Variants in AGBL4 observed in about 807,000 individuals in gnomAD.
AGBL4 encodes the protein AGBL carboxypeptidase 4.
A neutral mutation model predicts 66.4 loss-of-function variants in AGBL4; 58 were observed. The observed-to-expected ratio is 0.87, with a 90% confidence interval of 0.71 to 1.09. AGBL4 has a LOEUF of 1.09. Ranked by LOEUF, AGBL4 falls within the 50% of genes least tolerant of loss-of-function variation. AGBL4 has a pLI of 0.00. For missense variants in AGBL4, 579 were observed against 631.0 expected, an observed-to-expected ratio of 0.92 and a Z score of 0.88; for synonymous variants, 234 against 222.9, an observed-to-expected ratio of 1.05 and a Z score of -0.44.
chr1:50,014,924 A>G (rs932060879), intron 1 of AGBL4, among the ~76,000 whole-genome samples: 1 of 152,176 alleles, frequency 6.6e-6, no homozygotes, highest in Non-Finnish European at 1.5e-5. Flanking sequence ...GGAAGAATTC[A>G]TTGGTTTTTA....
chr1:49,749,950 A>G (rs1243819749), intron 2 of AGBL4, among the ~76,000 whole-genome samples: 1 of 152,190 alleles, frequency 6.6e-6, no homozygotes, highest in East Asian at 1.9e-4. Flanking sequence ...GTATTTCAAA[A>G]TGACAGACCT....
intron 2 of AGBL4, among the ~76,000 whole-genome samples, chr1:49,833,031 C>A (rs1202049940): frequency 6.6e-6 from 1 of 151,880 alleles, no homozygotes; most frequent in African/African-American, 2.4e-5. Flanking sequence ...GCTTTTGTTG[C>A]CATTGCTTTT....
intron 5 of AGBL4, among the ~76,000 whole-genome samples, chr1:48,909,900 T>C (rs373903563): frequency 2.0e-5 from 3 of 152,250 alleles, no homozygotes; most frequent in East Asian, 3.8e-4. Flanking sequence ...CTATAGTTAG[T>C]TCTCATTCCA....
intron 11 of AGBL4, among the ~76,000 whole-genome samples, chr1:48,568,472 A>T (rs1447682692): frequency 6.6e-6 from 1 of 152,092 alleles, no homozygotes; most frequent in Non-Finnish European, 1.5e-5. Context: ...CTCCCGTGAC[A>T]TGCTCTTCCC....
chr1:49,189,184 C>G (rs952075078), intron 4 of AGBL4, among the ~76,000 whole-genome samples: 49 of 152,166 alleles, frequency 3.2e-4, no homozygotes, highest in African/African-American at 9.9e-4. Flanking sequence ...GAGAGCAAAC[C>G]ATAGTCTGGC....
intron 5 of AGBL4, among the ~76,000 whole-genome samples, chr1:48,893,467 G>T (rs1651172408): frequency 6.6e-6 from 1 of 151,866 alleles, no homozygotes; most frequent in Non-Finnish European, 1.5e-5. Context: ...AGATCACGAG[G>T]TCAGGAGATT....
chr1:48,957,016 C>T (rs1010839920), intron 5 of AGBL4, among the ~76,000 whole-genome samples: 1 of 151,994 alleles, frequency 6.6e-6, no homozygotes, highest in Non-Finnish European at 1.5e-5. Context: ...AACATTTTCC[C>T]ATATACTTCA....
chr1:49,072,830 A>G (rs1467414716), intron 4 of AGBL4, among the ~76,000 whole-genome samples: 2 of 152,224 alleles, frequency 1.3e-5, no homozygotes, highest in African/African-American at 4.8e-5. Flanking sequence ...AATATCCATA[A>G]GAGTGTTTTC....
chr1:49,839,081 C>G (rs1645924775), intron 2 of AGBL4, among the ~76,000 whole-genome samples: 1 of 152,128 alleles, frequency 6.6e-6, no homozygotes, highest in Non-Finnish European at 1.5e-5. Context: ...ATAGAAAATA[C>G]CATCATTCTT....
intron 4 of AGBL4, among the ~76,000 whole-genome samples, chr1:49,196,156 A>G (rs751511400): frequency 6.6e-6 from 1 of 152,174 alleles, no homozygotes; most frequent in Non-Finnish European, 1.5e-5. Flanking sequence ...AAGTATGAAA[A>G]TGGACTAATA....
intron 4 of AGBL4, among the ~76,000 whole-genome samples, chr1:49,135,669 T>C (rs1335590226): frequency 1.3e-5 from 2 of 152,172 alleles, no homozygotes; most frequent in Non-Finnish European, 1.5e-5. Flanking sequence ...AGCATGTCCT[T>C]AAGGCACAGA....
At chr1:49,982,776 C>A (rs187092374) in intron 1 of AGBL4, among the ~76,000 whole-genome samples, 4 of 152,278 alleles carry the variant, frequency 2.6e-5, no homozygotes, top group Middle Eastern at 3.4e-3. Context: ...TGGAGAGGGG[C>A]TACCCACTCC....
At chr1:48,856,483 C>G (rs1647156100) in intron 6 of AGBL4, among the ~76,000 whole-genome samples, 1 of 152,170 alleles carries the variant, frequency 6.6e-6, no homozygotes, top group Middle Eastern at 3.4e-3. Context: ...TTTGAAACAG[C>G]CCCTCGGCTG....
intron 4 of AGBL4, among the ~76,000 whole-genome samples, chr1:49,060,308 G>T (rs1644380421): frequency 6.6e-6 from 1 of 152,118 alleles, no homozygotes; most frequent in Non-Finnish European, 1.5e-5. Flanking sequence ...TGTGAAGAAG[G>T]ATGTGTTTGC....
At chr1:49,174,002 A>T (rs1222697993) in intron 4 of AGBL4, among the ~76,000 whole-genome samples, 2 of 152,182 alleles carry the variant, frequency 1.3e-5, no homozygotes, top group African/African-American at 4.8e-5. Context: ...CCCTGAGAAG[A>T]GTAATTTTAG....
At chr1:49,588,534 T>C (rs772194350) in intron 3 of AGBL4, among the ~76,000 whole-genome samples, 8 of 152,342 alleles carry the variant, frequency 5.3e-5, no homozygotes, top group Non-Finnish European at 8.8e-5. Flanking sequence ...ATCTACATTC[T>C]GGAAGCAATA....
Position 48,674,095 on chromosome 1 carries a change from A to G in AGBL4, c.635-10854T>C, listed in dbSNP as rs1338337219. On this transcript the variant is annotated intron_variant, in intron 6 of 13. Transcript: ENST00000371839. ...CACGCTCGCCTCTTACTGTTGTTTCACCTACTCATCACACCTCCTCACACC... is the reference window on the plus strand; with the variant it reads ...CACGCTCGCCTCTTACTGTTGTTTCGCCTACTCATCACACCTCCTCACACC... Among the ~76,000 whole-genome samples, 7 of 151,894 alleles carry G rather than the reference A, an allele frequency of 4.6e-5. 1 individual carries two copies. In the South Asian group the frequency reaches 6.2e-4, roughly 14 times the overall value.
intron 11 of AGBL4, among the ~76,000 whole-genome samples, chr1:48,577,885 T>G (rs1188461637): frequency 6.6e-6 from 1 of 152,092 alleles, no homozygotes; most frequent in Non-Finnish European, 1.5e-5. Flanking sequence ...GGATGGAAAC[T>G]GGGAAGATTA....
chr1:48,901,117 A>G (rs191715091), intron 5 of AGBL4, among the ~76,000 whole-genome samples: 57 of 152,332 alleles, frequency 3.7e-4, no homozygotes, highest in Middle Eastern at 6.8e-3. Context: ...AGCACATAAG[A>G]AAGGCTCAAT....
Sources: allele counts gnomAD v4.1 joint callset (sites outside exome capture counted in the v4.1 genomes callset), GRCh38; gene constraint gnomAD v4.1.1; transcripts MANE v1.5; gene names NCBI Gene and HGNC (gene_info 2026-07-23, HGNC 2026-07-21).